The following INO80 variants were observed in gnomAD, a reference collection of about 807,000 sequenced individuals.
The protein encoded by INO80 is chromatin-remodeling ATPase INO80.
Under a neutral mutation model 203.4 loss-of-function variants are expected in INO80, and 20 were observed. The ratio of observed to expected loss-of-function variants is 0.10; its 90% CI spans 0.07 to 0.14. The LOEUF (loss-of-function observed/expected upper bound fraction) is 0.14. INO80 is among the 10% of genes least tolerant of loss of function. The pLI is 1.00. For synonymous variants in INO80, 726 were observed against 685.2 expected (o/e 1.06, Z -0.93); for missense variants, 1,419 against 1,914.4 (o/e 0.74, Z 4.83).
In INO80 at chr15:41,044,999, C is replaced by T. The variant is rs145596172; in HGVS notation, c.2812G>A (p.Glu938Lys). Residue 938 changes from glutamate (E) to lysine (K), a missense_variant, in exon 24 of 36, where the codon GAG becomes AAG. Coordinates refer to ENST00000648947, the MANE Select transcript of INO80 (RefSeq NM_017553.3). ...TTCCTCAGGTATCTCTGGTGGCTCT[C>T]CCCTTCTGGCGCTCCCCAGGAGCGT... ...QLRSWGAPEG[E>K]SHQRYLRNKD... 4.5e-4 allele frequency: 728 copies of T among 1,613,978 alleles called. 1 individual carries two copies. In the Middle Eastern group the frequency reaches 5.6e-3, roughly 12 times the overall value.
At chr15:41,107,430 G>A (rs940189370) in intron 1 of INO80, among the ~76,000 whole-genome samples, 2 of 152,126 alleles carry the variant, frequency 1.3e-5, no homozygotes, top group Non-Finnish European at 2.9e-5. Context: ...GAACCCAGGA[G>A]ATGAAGGTTG....
chr15:41,054,814 TTTTTGTAGAG>T (rs1226204875), intron 18 of INO80, among the ~76,000 whole-genome samples: 1 of 152,060 alleles, frequency 6.6e-6, no homozygotes, highest in Admixed American at 6.5e-5. Flanking sequence ...AATTTTTGCG[TTTTTGTAGAG>T]ACAGGGTTTC....
At chr15:41,084,719 T>G (rs1421211275) in intron 7 of INO80, among the ~76,000 whole-genome samples, 7 of 152,122 alleles carry the variant, frequency 4.6e-5, no homozygotes, top group Non-Finnish European at 5.9e-5. Context: ...CAACTCCTTT[T>G]TATTTTATTT....
intron 35 of INO80, among the ~76,000 whole-genome samples, 171 bp from the exon 36 acceptor site, chr15:40,980,611 T>G (rs1893791066): frequency 6.6e-6 from 1 of 152,202 alleles, no homozygotes. Context: ...TCCTGTCAAC[T>G]GTCTTTTCAG....
chr15:41,058,909 G>A (rs2045050217), intron 15 of INO80, 128 bp from the exon 16 acceptor site: 1 of 805,362 alleles, frequency 1.2e-6, no homozygotes, highest in Non-Finnish European at 1.9e-6. Flanking sequence ...CTCCCATATG[G>A]TAGGGAGATG....
chr15:41,111,436 C>G (rs2045957254), intron 1 of INO80, among the ~76,000 whole-genome samples: 1 of 151,434 alleles, frequency 6.6e-6, no homozygotes, highest in South Asian at 2.1e-4. Context: ...GAGAGCGAGA[C>G]TCCGTCTCAA....
At position 41,116,178 on chromosome 15, in the gene INO80, G is replaced by T; in HGVS notation, c.-249C>A. ...CCCAAGATGGCGGCGGCGCTGAGGC[G>T]GCTGCGGGCGCTGGGCCGGCGGCGG... On this transcript the variant is annotated 5_prime_UTR_variant, in exon 1 of 36. Coordinates refer to ENST00000648947, the MANE Select transcript of INO80 (RefSeq NM_017553.3). The T allele has an allele frequency of 2.5e-6, 1 of 407,804 alleles. No homozygotes were observed. The allele number at this position is 407,804 out of a possible 1,614,324, so 25.3% of individuals were successfully genotyped here.
intron 24 of INO80, among the ~76,000 whole-genome samples, chr15:41,030,466 C>T (rs1192389148): frequency 6.6e-6 from 1 of 151,600 alleles, no homozygotes; most frequent in African/African-American, 2.4e-5. Context: ...CAGGTTCAAG[C>T]GATTCTCCCA....
intron 29 of INO80, among the ~76,000 whole-genome samples, chr15:40,991,136 T>C (rs1212222130): frequency 6.6e-6 from 1 of 152,226 alleles, no homozygotes; most frequent in Non-Finnish European, 1.5e-5. Context: ...TTGTGTTCTT[T>C]TGAGCTCATG....
intron 34 of INO80, among the ~76,000 whole-genome samples, chr15:40,983,399 A>C (rs1425005927): frequency 6.6e-6 from 1 of 152,150 alleles, no homozygotes; most frequent in African/African-American, 2.4e-5. Context: ...TGCACACTCT[A>C]ATGTGCTCTT....
chr15:41,007,676 C>G (rs1490421737), intron 27 of INO80, among the ~76,000 whole-genome samples: 1 of 151,504 alleles, frequency 6.6e-6, no homozygotes, highest in East Asian at 1.9e-4. Flanking sequence ...TTATTCCCTT[C>G]CACTGCTTCA....
rs753599766 is a variant in INO80, at chr15:41,016,179, T to C, written c.3311A>G (p.Tyr1104Cys). 2.5e-6 allele frequency: 4 copies of C among 1,613,928 alleles called. No individual in the cohort carries two copies. Among genetic ancestry groups the C allele is most frequent in the Non-Finnish European group, 3.4e-6 (4 of 1,179,876 alleles). ...CCGAGTCAGCAGGACATCAAGGGCA[T>C]ACAGCTTTCCACTGTCAGTGATGAG... ...ESLITDSGKL[Y>C]ALDVLLTRLK... Residue 1104 changes from tyrosine to cysteine, a missense_variant, in exon 27 of 36, where the codon TAT (tyrosine) becomes TGT (cysteine). Transcript: ENST00000648947.
intron 24 of INO80, among the ~76,000 whole-genome samples, chr15:41,035,541 A>G (rs1306002982): frequency 6.6e-6 from 1 of 150,596 alleles, no homozygotes; most frequent in African/African-American, 2.4e-5. Context: ...AAAAAAAAAG[A>G]CCGGGCGCGG....
intron 24 of INO80, among the ~76,000 whole-genome samples, chr15:41,039,227 T>G (rs1202346515): frequency 1.3e-5 from 2 of 152,178 alleles, no homozygotes; most frequent in African/African-American, 4.8e-5. Flanking sequence ...TCCTCCCACC[T>G]CAGCCTCCTA....
At chr15:41,089,934 CT>C (rs2045610869) in intron 5 of INO80, among the ~76,000 whole-genome samples, 1 of 152,130 alleles carries the variant, frequency 6.6e-6, no homozygotes, top group African/African-American at 2.4e-5. Flanking sequence ...CCTCAAAAGG[CT>C]AAGCAAGGTG....
At chr15:41,012,262 C>T (rs1413011523) in intron 27 of INO80, among the ~76,000 whole-genome samples, 1 of 152,080 alleles carries the variant, frequency 6.6e-6, no homozygotes, top group Non-Finnish European at 1.5e-5. Context: ...CCTAGTATGC[C>T]CAACAGCCAA....
chr15:41,035,629 G>A (rs2140498711), intron 24 of INO80, among the ~76,000 whole-genome samples: 1 of 151,640 alleles, frequency 6.6e-6, no homozygotes, highest in Non-Finnish European at 1.5e-5. Context: ...AGACCATCCT[G>A]GCCAACATGG....
At chr15:41,095,454 A>G in intron 4 of INO80, 147 bp downstream of exon 4, 2 of 632,820 alleles carry the variant, frequency 3.2e-6, no homozygotes, top group East Asian at 2.7e-5. Context: ...GATTTTCTCA[A>G]TAATCTCTTC....
At chr15:40,984,969 T>C (rs1329746207) in intron 32 of INO80, among the ~76,000 whole-genome samples, 1 of 152,214 alleles carries the variant, frequency 6.6e-6, no homozygotes, top group African/African-American at 2.4e-5. Flanking sequence ...AGTGGTACAC[T>C]AGCAGAATTA....
Sources: gnomAD v4.1 joint callset for allele counts (sites outside exome capture counted in the v4.1 genomes callset) on GRCh38, gnomAD v4.1.1 for gene constraint, MANE v1.5 for transcripts, NCBI Gene and HGNC (gene_info 2026-07-23, HGNC 2026-07-21) for gene names.